SNX1: variants seen among roughly 807,000 people sequenced by gnomAD.
The protein encoded by SNX1 is sorting nexin 1.
In SNX1, 36 loss-of-function variants were observed where a neutral mutation model predicts 71.8. The ratio of observed to expected loss-of-function variants is 0.50; its 90% CI spans 0.38 to 0.66. The LOEUF is 0.66. Ranked by LOEUF, SNX1 falls within the 30% of genes least tolerant of loss-of-function variation. The pLI is 0.00. For synonymous variants in SNX1, 254 were observed against 240.7 expected (o/e 1.06, Z -0.51); for missense variants, 612 against 646.7 (o/e 0.95, Z 0.58).
At chr15:64,124,919 G>T (rs561652346) in intron 5 of SNX1, among the ~76,000 whole-genome samples, 1 of 152,296 alleles carries the variant, frequency 6.6e-6, no homozygotes, top group Non-Finnish European at 1.5e-5. Context: ...CCTATCTGGT[G>T]AGTTTAAAGT....
At chr15:64,112,059 T>G (rs964861917) in intron 1 of SNX1, among the ~76,000 whole-genome samples, 2 of 152,258 alleles carry the variant, frequency 1.3e-5, no homozygotes, top group Non-Finnish European at 1.5e-5. Flanking sequence ...TAAATTTTAC[T>G]TTTAACAGCA....
intron 14 of SNX1, among the ~76,000 whole-genome samples, chr15:64,137,250 A>G (rs1875787005): frequency 6.6e-6 from 1 of 152,224 alleles, no homozygotes; most frequent in Admixed American, 6.5e-5. Flanking sequence ...CTGAGGCCTC[A>G]TCGGTATGTG....
At chr15:64,105,949 A>G (rs940525239) in intron 1 of SNX1, among the ~76,000 whole-genome samples, 4 of 152,328 alleles carry the variant, frequency 2.6e-5, no homozygotes, top group Middle Eastern at 3.4e-3. Flanking sequence ...CTGTGGACAC[A>G]TCCCCAGAAT....
chr15:64,118,087 C>G (rs1321842898), intron 2 of SNX1, 30 bp from the exon 3 acceptor site: 7 of 1,607,246 alleles, frequency 4.4e-6, no homozygotes. Flanking sequence ...CATTACTGAC[C>G]TTCATTTTAA....
At chr15:64,122,821 C>T (rs2081209461) in intron 4 of SNX1, among the ~76,000 whole-genome samples, 1 of 152,138 alleles carries the variant, frequency 6.6e-6, no homozygotes, top group East Asian at 1.9e-4. Context: ...CAGGACATCA[C>T]CACAGAGAAA....
In SNX1 at chr15:64,129,795, A is replaced by C. The variant is rs754643094; in HGVS notation, c.808-121A>C. 7 of 716,486 alleles carry C rather than the reference A, an allele frequency of 9.8e-6. No individual in the cohort carries two copies. Among genetic ancestry groups the C allele is most frequent in the Non-Finnish European group, 1.8e-5 (7 of 397,170 alleles). 44.4% of individuals were successfully genotyped at this position (716,486 alleles called of 1,614,324 possible). On this transcript the variant is annotated intron_variant, in intron 8 of 14. Transcript: ENST00000559844. This position sits in a 1 kb window ranked among gnomAD's most constrained non-coding sequence, Gnocchi z 4.4. ...ATTCCTCAGACTGCCTTTGAAAACA[A>C]TTTACAGTTCAAATAATTTGTCTGG...
intron 2 of SNX1, among the ~76,000 whole-genome samples, chr15:64,115,955 C>A (rs1020667089): frequency 1.3e-5 from 2 of 152,174 alleles, no homozygotes; most frequent in African/African-American, 4.8e-5. Flanking sequence ...TCAGAGACTT[C>A]TAATATGCTA....
intron 2 of SNX1, 77 bp from the exon 3 acceptor site, chr15:64,118,040 A>G (rs1424062344): frequency 1.6e-5 from 23 of 1,401,206 alleles, no homozygotes; most frequent in Non-Finnish European, 2.1e-5. Context: ...TTGTTCTTGT[A>G]AGTTCTTAGC....
At chr15:64,137,205 G>GAGCC (rs1428630096) in intron 14 of SNX1, among the ~76,000 whole-genome samples, 2 of 152,192 alleles carry the variant, frequency 1.3e-5, no homozygotes, top group Non-Finnish European at 2.9e-5. Flanking sequence ...ACCCTTCGAG[G>GAGCC]AGCCACCCCA....
intron 11 of SNX1, among the ~76,000 whole-genome samples, chr15:64,133,479 C>T (rs2140160013): frequency 6.6e-6 from 1 of 152,326 alleles, no homozygotes; most frequent in East Asian, 1.9e-4. Context: ...CCTGTAATCC[C>T]AGCACTTTGG....
chr15:64,120,251 T>C (rs1301529388), intron 4 of SNX1, among the ~76,000 whole-genome samples: 2 of 149,534 alleles, frequency 1.3e-5, no homozygotes, highest in East Asian at 3.9e-4. Context: ...TTAGACTTTA[T>C]GCCAAAATGG....
At chr15:64,122,772 G>A in intron 4 of SNX1, among the ~76,000 whole-genome samples, 1 of 152,190 alleles carries the variant, frequency 6.6e-6, no homozygotes, top group South Asian at 2.1e-4. Flanking sequence ...CAGTGCTCAG[G>A]ATATCAATGG....
At chr15:64,137,046 C>G in intron 14 of SNX1, 114 bp downstream of exon 14, 1 of 754,544 alleles carries the variant, frequency 1.3e-6, no homozygotes, top group Non-Finnish European at 2.3e-6. Context: ...GCTGGGCCCT[C>G]CTATAGTCCA....
intron 2 of SNX1, among the ~76,000 whole-genome samples, chr15:64,113,399 A>G (rs546760413): frequency 6.6e-6 from 1 of 152,268 alleles, no homozygotes; most frequent in Admixed American, 6.5e-5. Context: ...TGGTGGTAGT[A>G]CTACTGTTAT....
At chr15:64,096,815 T>A (rs550448424) in intron 1 of SNX1, among the ~76,000 whole-genome samples, 1 of 152,342 alleles carries the variant, frequency 6.6e-6, no homozygotes, top group South Asian at 2.1e-4. Flanking sequence ...CCCACGTACC[T>A]CACTGGGAGC....
At chr15:64,136,266 A>C in intron 12 of SNX1, 64 bp from the exon 13 acceptor site, 1 of 1,328,732 alleles carries the variant, frequency 7.5e-7, no homozygotes, top group Non-Finnish European at 1.1e-6. Context: ...TCGCTGTCCA[A>C]ATGTGAAGGC....
chr15:64,122,604 C>G (rs1168601790), intron 4 of SNX1, among the ~76,000 whole-genome samples: 1 of 152,152 alleles, frequency 6.6e-6, no homozygotes, highest in Non-Finnish European at 1.5e-5. Flanking sequence ...ACCCCAGAAC[C>G]AGTTCAGGGG....
Position 64,126,235 on chromosome 15 carries a change from T to G in SNX1, c.652+15T>G. On this transcript the variant is annotated intron_variant, in intron 6 of 14. Coordinates refer to ENST00000559844, the MANE Select transcript of SNX1 (RefSeq NM_003099.5). The stretch of plus-strand genomic sequence containing the variant: ...GAGCCTCATAGGTAAGCCTGTGGTC[T>G]TTCATTCCACTTGGATTGTTTTCCT... 1 of 1,608,320 alleles carries G rather than the reference T, an allele frequency of 6.2e-7. No individual in the cohort carries two copies. Among genetic ancestry groups the G allele is most frequent in the Non-Finnish European group, 8.5e-7 (1 of 1,178,372 alleles).
intron 1 of SNX1, among the ~76,000 whole-genome samples, chr15:64,100,935 G>C (rs1044965028): frequency 1.3e-5 from 2 of 152,128 alleles, no homozygotes; most frequent in Non-Finnish European, 2.9e-5. Flanking sequence ...CTCCTGCGTA[G>C]CATGTGCCAC....
Sources: gnomAD v4.1 joint callset for allele counts (sites outside exome capture counted in the v4.1 genomes callset) on GRCh38, gnomAD v4.1.1 for gene constraint, Gnocchi (gnomAD v3.1) non-coding constraint, MANE v1.5 for transcripts, NCBI Gene and HGNC (gene_info 2026-07-23, HGNC 2026-07-21) for gene names.